PPM1B: variants seen among roughly 807,000 people sequenced by gnomAD.
PPM1B encodes protein phosphatase 1B.
Under a neutral mutation model 43.0 loss-of-function variants are expected in PPM1B, and 22 were observed. The observed-to-expected ratio is 0.51, with a 90% CI of 0.37 to 0.73. The LOEUF (loss-of-function observed/expected upper bound fraction) is 0.73, where lower values mean the gene tolerates loss of function less well. Ranked by LOEUF, PPM1B falls within the 30% of genes least tolerant of loss-of-function variation. The pLI is 0.00. For synonymous variants in PPM1B, 217 were observed against 197.9 expected (o/e 1.10, Z -0.81); for missense variants, 632 against 584.2 (o/e 1.08, Z -0.84).
intron 2 of PPM1B, 133 bp downstream of exon 2, chr2:44,202,178 G>A: frequency 1.1e-6 from 1 of 873,240 alleles, no homozygotes; most frequent in Non-Finnish European, 1.6e-6. Flanking sequence ...TACTTTACCA[G>A]AAATGAAACC....
intron 5 of PPM1B, among the ~76,000 whole-genome samples, chr2:44,243,002 A>G (rs1670782290): frequency 6.6e-6 from 1 of 152,196 alleles, no homozygotes; most frequent in African/African-American, 2.4e-5. Flanking sequence ...ACATCTAGCC[A>G]TACTGAAATG....
At chr2:44,171,095 TC>T (rs1667319257) in intron 1 of PPM1B, among the ~76,000 whole-genome samples, 1 of 152,210 alleles carries the variant, frequency 6.6e-6, no homozygotes, top group Non-Finnish European at 1.5e-5. Flanking sequence ...CTGTAAGATT[TC>T]CCCAGTTTCT....
chr2:44,187,558 G>T lies in PPM1B; in HGVS notation c.-14-13628G>T, dbSNP rs78393052. 3.3e-4 allele frequency among the ~76,000 whole-genome samples: 50 copies of T among 152,268 alleles called. No homozygotes were observed. In the East Asian group the frequency reaches 8.5e-3, roughly 26 times the overall value. On this transcript the variant is annotated intron_variant, in intron 1 of 5. Transcript: ENST00000282412. ...GCCATCTGAAAGTCCATAATGATCT[G>T]TCTAAACATGGGATCTCTCCCCTAC...
rs1553324291 is a variant in PPM1B, at chr2:44,169,140, C to CCGGAGGCAG, written c.-142_-141insAGCGGAGGC. The CCGGAGGCAG allele has an allele frequency of 6.0e-6, 1 of 167,052 alleles. No homozygotes were observed. The highest frequency in any genetic ancestry group is 1.3e-5 in the Non-Finnish European group (1 of 77,462). 10.3% of individuals were successfully genotyped at this position (167,052 alleles called of 1,614,324 possible). A position where few individuals can be genotyped will look rare whatever the true frequency, so the allele number is the denominator to read the frequency against. On this transcript the variant is annotated 5_prime_UTR_variant, in exon 1 of 6. Transcript: ENST00000282412. ...GAGGGGCCGGGCGGTGTAAACAGCC[C>CCGGAGGCAG]CGGAGGCGGCGGTCGAGACCCCGAG...
At chr2:44,246,591 A>G (rs969860534), downstream of PPM1B, among the ~76,000 whole-genome samples, 2 of 152,212 alleles carry the variant, frequency 1.3e-5, no homozygotes, top group African/African-American at 2.4e-5. Flanking sequence ...TCAGCAATGT[A>G]CTGATCCACT....
At position 44,230,877 on chromosome 2, in the gene PPM1B, T is replaced by G. The variant is rs1030644116; in HGVS notation, c.*159T>G. 23 of 1,382,466 alleles carry G rather than the reference T, an allele frequency of 1.7e-5. No individual in the cohort carries two copies. Among genetic ancestry groups the G allele is most frequent in the Non-Finnish European group, 1.8e-5 (19 of 1,055,622 alleles). The allele number at this position is 1,382,466 out of a possible 1,614,324, so 85.6% of individuals were successfully genotyped here. On this transcript the variant is annotated 3_prime_UTR_variant, in exon 6 of 6. Transcript: ENST00000282412. ...TTTAAAAAGGCCTTTGCATACACCT[T>G]TATGAGATAGTGTAAAATTGACTAT... is the stretch of plus-strand genomic sequence containing the variant.
At chr2:44,242,373 G>A (rs1039804149) in intron 5 of PPM1B, among the ~76,000 whole-genome samples, 1 of 152,020 alleles carries the variant, frequency 6.6e-6, no homozygotes, top group Non-Finnish European at 1.5e-5. Flanking sequence ...TAAAGATATT[G>A]GGAAAAGGAG....
downstream of PPM1B, chr2:44,234,070 A>G (rs1376108610): frequency 3.1e-6 from 3 of 968,712 alleles, no homozygotes; most frequent in Non-Finnish European, 3.7e-6. Context: ...AGTGTGACAT[A>G]TTACTATTTG....
rs766283721 is a variant in PPM1B at position 44,202,008 on chromosome 2, A to C, written c.809A>C (p.Asn270Thr). 5 of 1,609,058 alleles carry C rather than the reference A, an allele frequency of 3.1e-6. No homozygotes were observed. In the East Asian group the frequency reaches 1.1e-4, roughly 36 times the overall value. Residue 270 changes from asparagine (N) to threonine (T), a missense_variant, in exon 2 of 6, where the codon AAT (asparagine) becomes ACT (threonine). By Grantham distance (65) the Asn-to-Thr change is moderately conservative. Around this residue, in one of 3 missense-constraint regions of PPM1B, gnomAD observed 392 missense variants for 302.7 expected, o/e 1.29. Coordinates refer to ENST00000282412, the MANE Select transcript of PPM1B (RefSeq NM_002706.6). ...SRLEVSDDLE[N>T]VCNWVVDTCL... Reference sequence around the variant, plus strand: ...CTTGAGGTATCTGATGACCTGGAAAATGTGTGCAATTGGGTAGTGGACACT... The same window carrying C: ...CTTGAGGTATCTGATGACCTGGAAACTGTGTGCAATTGGGTAGTGGACACT...
At chr2:44,213,951 T>C (rs1669602200) in intron 3 of PPM1B, among the ~76,000 whole-genome samples, 1 of 152,230 alleles carries the variant, frequency 6.6e-6, no homozygotes, top group Non-Finnish European at 1.5e-5. Context: ...ATAAAGAAAC[T>C]GGGTAGTTTT....
At chr2:44,221,087 G>A (rs1669959341) in intron 5 of PPM1B, among the ~76,000 whole-genome samples, 1 of 152,074 alleles carries the variant, frequency 6.6e-6, no homozygotes, top group South Asian at 2.1e-4. Flanking sequence ...AATATCTGTG[G>A]TATTTTAATC....
At chr2:44,171,435 G>C (rs551336690) in intron 1 of PPM1B, among the ~76,000 whole-genome samples, 1 of 152,224 alleles carries the variant, frequency 6.6e-6, no homozygotes, top group South Asian at 2.1e-4. Flanking sequence ...ATTTTTTATG[G>C]AATCTTTTGA....
Position 44,201,558 on chromosome 2 carries a change from T to C in PPM1B, c.359T>C (p.Phe120Ser). ...AAAATTGATGAATACATGCGTAACTTTTCAGACCTCAGAAACGGGATGGAC... is the reference window on the plus strand; with the variant it reads ...AAAATTGATGAATACATGCGTAACTCTTCAGACCTCAGAAACGGGATGGAC... ...FLKIDEYMRN[F>S]SDLRNGMDRS... Residue 120 changes from phenylalanine (F) to serine (S), a missense_variant, in exon 2 of 6, where the codon TTT becomes TCT. Around this residue, in one of 3 missense-constraint regions of PPM1B, gnomAD observed 200 missense variants for 200.7 expected, o/e 1.00. Coordinates refer to ENST00000282412, the MANE Select transcript of PPM1B (RefSeq NM_002706.6). This position sits in a 1 kb window ranked among gnomAD's most constrained non-coding sequence, Gnocchi z 5.4. The C allele has an allele frequency of 6.2e-7, 1 of 1,614,166 alleles. No individual in the cohort carries two copies.
At chr2:44,197,605 A>G (rs1371310386) in intron 1 of PPM1B, among the ~76,000 whole-genome samples, 5 of 152,168 alleles carry the variant, frequency 3.3e-5, no homozygotes, top group African/African-American at 1.2e-4. Context: ...CTGAACATTT[A>G]TATAACTATT....
intron 1 of PPM1B, among the ~76,000 whole-genome samples, chr2:44,197,196 C>T (rs889735528): frequency 2.0e-5 from 3 of 152,092 alleles, no homozygotes; most frequent in Non-Finnish European, 2.9e-5. Context: ...TCAGGGCTCA[C>T]TGCAGCCTCA....
At chr2:44,213,282 C>G (rs1669567993) in intron 3 of PPM1B, among the ~76,000 whole-genome samples, 1 of 150,536 alleles carries the variant, frequency 6.6e-6, no homozygotes, top group Non-Finnish European at 1.5e-5. Context: ...ATACCAAGCT[C>G]TTCCACTCAA....
chr2:44,245,831 G>T (rs1013404775), downstream of PPM1B, among the ~76,000 whole-genome samples: 5 of 152,186 alleles, frequency 3.3e-5, no homozygotes, highest in African/African-American at 1.2e-4. Flanking sequence ...AAAAACTCCT[G>T]TCTCTGCCTA....
intron 5 of PPM1B, among the ~76,000 whole-genome samples, chr2:44,242,860 A>G (rs1009020012): frequency 6.6e-6 from 1 of 152,102 alleles, no homozygotes; most frequent in Non-Finnish European, 1.5e-5. Context: ...GATTTTAACC[A>G]TTATTCTGTT....
chr2:44,221,226 T>C (rs371243011), intron 5 of PPM1B, among the ~76,000 whole-genome samples: 1 of 152,216 alleles, frequency 6.6e-6, no homozygotes, highest in South Asian at 2.1e-4. Context: ...AAAGGAACTT[T>C]CCTTGTTTAC....
Sources: gnomAD v4.1 joint callset for allele counts (sites outside exome capture counted in the v4.1 genomes callset) on GRCh38, gnomAD v4.1.1 for gene constraint, gnomAD v4.1.1 regional missense constraint, Gnocchi (gnomAD v3.1) non-coding constraint, MANE v1.5 for transcripts, NCBI Gene and HGNC (gene_info 2026-07-23, HGNC 2026-07-21) for gene names.